HDLBP: variants seen among roughly 807,000 people sequenced by gnomAD.
HDLBP encodes vigilin.
In HDLBP, 30 loss-of-function variants were observed where a neutral mutation model predicts 137.3. The ratio of observed to expected loss-of-function variants is 0.22; its 90% CI spans 0.16 to 0.30. The LOEUF (loss-of-function observed/expected upper bound fraction) is 0.30, where lower values mean the gene tolerates loss of function less well. HDLBP is among the 10% of genes least tolerant of loss of function. The pLI is 1.00. For synonymous variants in HDLBP, 606 were observed against 596.0 expected, an observed-to-expected ratio of 1.02 and a Z score of -0.24; for missense variants, 1,119 against 1,667.3, an observed-to-expected ratio of 0.67 and a Z score of 5.73.
Position 241,230,183 on chromosome 2 carries a change from G to C in HDLBP, c.3561C>G (p.Ile1187Met). 6.2e-7 allele frequency: 1 copy of C among 1,613,614 alleles called. No individual in the cohort carries two copies. The highest frequency in any genetic ancestry group is 8.5e-7 in the Non-Finnish European group (1 of 1,179,680). The change falls in exon 26 of 28, where the codon ATC (isoleucine) becomes ATG (methionine). Residue 1187 changes from isoleucine (I) to methionine (M), a missense_variant. Physicochemically the swap from Ile to Met is conservative, Grantham distance 10. This residue lies in a region of HDLBP where 618 missense variants were observed against 816.7 expected (regional missense o/e 0.76). Transcript: ENST00000310931. This position sits in a 1 kb window ranked among gnomAD's most constrained non-coding sequence, Gnocchi z 5.0. ...CCTCCTCCAGATTGAGGATGTGGTC[G>C]ATGGCTTCCTCCACATTCTCTGGGA... ...TGLPENVEEA[I>M]DHILNLEEEY... is the part of the protein sequence containing the mutation.
Position 241,235,553 on chromosome 2 carries a change from G to C in HDLBP, c.2946C>G (p.Asp982Glu). The C allele has an allele frequency of 6.2e-7, 1 of 1,614,100 alleles. No individual in the cohort carries two copies. Among genetic ancestry groups the C allele is most frequent in the Non-Finnish European group, 8.5e-7 (1 of 1,179,986 alleles). Reference sequence around the variant, plus strand: ...TCTGCCCAATAACGTAACGGTGAAGGTCAAAGGGCACCTCTACTTCAATGG... The same window carrying C: ...TCTGCCCAATAACGTAACGGTGAAGCTCAAAGGGCACCTCTACTTCAATGG... ...PVTIEVEVPF[D>E]LHRYVIGQKG... is the part of the protein sequence containing the mutation. The change falls in exon 22 of 28, where the codon GAC (aspartate) becomes GAG (glutamate). Residue 982 changes from aspartate (D) to glutamate (E), a missense_variant. Around this residue, in one of 4 missense-constraint regions of HDLBP, gnomAD observed 618 missense variants for 816.7 expected, o/e 0.76. Coordinates refer to ENST00000310931, the MANE Select transcript of HDLBP (RefSeq NM_005336.6).
In HDLBP at chr2:241,240,854, G is replaced by C. The variant is rs1411779360; in HGVS notation, c.2170-732C>G. ...CCCCGAGAAGGGCGCTGCTCCACGGGACTCAGGTCCACACGGGGAGCTCTT... is the reference window on the plus strand; with the variant it reads ...CCCCGAGAAGGGCGCTGCTCCACGGCACTCAGGTCCACACGGGGAGCTCTT... On this transcript the variant is annotated intron_variant, in intron 17 of 27. Transcript: ENST00000310931. The surrounding 1 kb of genome is among the most constrained non-coding windows in gnomAD (Gnocchi z 5.5). Among the ~76,000 whole-genome samples, 1 of 152,260 alleles carries C rather than the reference G, an allele frequency of 6.6e-6. No homozygotes were observed. Among genetic ancestry groups the C allele is most frequent in the Non-Finnish European group, 1.5e-5 (1 of 68,012 alleles).
At position 241,262,825 on chromosome 2, in the gene HDLBP, A is replaced by G; in HGVS notation, c.336T>C (p.Gly112=). Residue 112 remains glycine, a synonymous_variant, in exon 5 of 28, where the codon GGT becomes GGC. Coordinates refer to ENST00000310931, the MANE Select transcript of HDLBP (RefSeq NM_005336.6). The part of the protein sequence containing the change: ...KICLEIMQRT[G]AHLELSLAKD... The stretch of plus-strand genomic sequence containing the variant: ...TGGCCAAAGACAGCTCCAAGTGAGC[A>G]CCAGTTCTCTGCATGATCTCAAGGC... 1.2e-6 allele frequency: 2 copies of G among 1,614,192 alleles called. No individual in the cohort carries two copies. Among genetic ancestry groups the G allele is most frequent in the Non-Finnish European group, 1.7e-6 (2 of 1,180,004 alleles).
chr2:241,229,342 C>T lies in HDLBP; in HGVS notation c.*259G>A. ...ACTGACATGCCGGGTGGACCAGGAG[C>T]TGGAGTCTGTTATCTTAGCACGAAT... is the stretch of plus-strand genomic sequence containing the variant. On this transcript the variant is annotated 3_prime_UTR_variant, in exon 28 of 28. Coordinates refer to ENST00000310931, the MANE Select transcript of HDLBP (RefSeq NM_005336.6). 2.5e-6 allele frequency: 1 copy of T among 398,860 alleles called. No individual in the cohort carries two copies. Among genetic ancestry groups the T allele is most frequent in the Non-Finnish European group, 4.7e-6 (1 of 214,480 alleles). 24.7% of individuals were successfully genotyped at this position (398,860 alleles called of 1,614,324 possible).
In HDLBP at chr2:241,229,571, G is replaced by C. The variant is rs1189510584; in HGVS notation, c.*30C>G. On this transcript the variant is annotated 3_prime_UTR_variant, in exon 28 of 28. Transcript: ENST00000310931. ...TTGTGTGGTTGGGTTTGGGTCAGCA[G>C]GCTGGAGAGGGTTCTGTTCTTTTTG... 6.4e-7 allele frequency: 1 copy of C among 1,555,454 alleles called. No individual in the cohort carries two copies.
chr2:241,272,581 TA>T lies in HDLBP; in HGVS notation c.-102-4041del. 6.1e-6 allele frequency: 6 copies of T among 983,354 alleles called. No individual in the cohort carries two copies. Among genetic ancestry groups the T allele is most frequent in the Non-Finnish European group, 7.2e-6 (6 of 829,212 alleles). The allele number at this position is 983,354 out of a possible 1,614,324, so 60.9% of individuals were successfully genotyped here. ...TCTGGCCCGGAACCGCCACGCGCGG[TA>T]AGCAGGACACCCGCGGGCGGGGGCC... On this transcript the variant is annotated intron_variant, in intron 1 of 27. Transcript: ENST00000310931. The surrounding 1 kb of genome is among the most constrained non-coding windows in gnomAD (Gnocchi z 5.6).
rs988188512 is a variant in HDLBP, at chr2:241,241,712, GA to G, written c.2169+747del. 4.0e-5 allele frequency among the ~76,000 whole-genome samples: 6 copies of G among 150,144 alleles called. No individual in the cohort carries two copies. In the East Asian group the frequency reaches 5.9e-4, roughly 15 times the overall value. The stretch of plus-strand genomic sequence containing the variant: ...TTCCATGTGCTAACAACTGGAAATG[GA>G]AAAAAAGTGCCATTTACAATAGCAC... On this transcript the variant is annotated intron_variant, in intron 17 of 27. Transcript: ENST00000310931.
chr2:241,257,404 T>C (rs920811723), intron 5 of HDLBP, among the ~76,000 whole-genome samples: 1 of 152,208 alleles, frequency 6.6e-6, no homozygotes. Flanking sequence ...AGCTAATTTT[T>C]ATATTTTTAG....
intron 13 of HDLBP, 53 bp from the exon 14 acceptor site, chr2:241,248,169 C>A: frequency 6.4e-7 from 1 of 1,555,850 alleles, no homozygotes; most frequent in South Asian, 1.1e-5. Context: ...GACATATATC[C>A]CAAATATCAA....
chr2:241,315,180 CG>C (rs1559569725), intron 1 of HDLBP: 1 of 152,252 alleles, frequency 6.6e-6, no homozygotes, highest in East Asian at 1.9e-4. Context: ...GGCCCCAGCC[CG>C]GGCACAGGAA....
intron 1 of HDLBP, among the ~76,000 whole-genome samples, chr2:241,276,934 A>G (rs1440754594): frequency 6.6e-6 from 1 of 152,002 alleles, no homozygotes; most frequent in African/African-American, 2.4e-5. Flanking sequence ...TTTATTGAAC[A>G]CATGATTAAA....
At chr2:241,273,972 A>G (rs552125964) in intron 1 of HDLBP, among the ~76,000 whole-genome samples, 8 of 152,122 alleles carry the variant, frequency 5.3e-5, no homozygotes, top group Admixed American at 2.0e-4. Context: ...ATAATGGAGG[A>G]AATAAATGGC....
intron 9 of HDLBP, among the ~76,000 whole-genome samples, chr2:241,253,956 T>A (rs1288011999): frequency 2.6e-5 from 4 of 152,168 alleles, no homozygotes; most frequent in Non-Finnish European, 2.9e-5. Flanking sequence ...GGTAAGGAGT[T>A]AAGGAAGGCA....
At chr2:241,255,210 C>T (rs1229275530) in intron 8 of HDLBP, 52 bp from the exon 9 acceptor site, 6 of 1,556,380 alleles carry the variant, frequency 3.9e-6, no homozygotes, top group Admixed American at 1.7e-5. Context: ...GGTCGTGTCA[C>T]AGTGAAAGCC....
At chr2:241,244,359 A>C (rs549197412) in intron 16 of HDLBP, among the ~76,000 whole-genome samples, 1 of 152,336 alleles carries the variant, frequency 6.6e-6, no homozygotes, top group South Asian at 2.1e-4. Context: ...AAGCTCAATA[A>C]ACACCAAGCT....
intron 1 of HDLBP, among the ~76,000 whole-genome samples, chr2:241,299,363 A>G (rs568928261): frequency 3.3e-5 from 5 of 151,868 alleles, no homozygotes; most frequent in African/African-American, 1.2e-4. Flanking sequence ...CTAAAAATAC[A>G]AAAATTAGCC....
chr2:241,277,760 G>A (rs892413533), intron 1 of HDLBP, among the ~76,000 whole-genome samples: 5 of 152,134 alleles, frequency 3.3e-5, no homozygotes, highest in Non-Finnish European at 7.4e-5. Flanking sequence ...TTGGGAGTTC[G>A]AGACCAGCCT....
intron 12 of HDLBP, 39 bp from the exon 13 acceptor site, chr2:241,248,387 C>T (rs759432267): frequency 5.4e-5 from 81 of 1,509,660 alleles, no homozygotes; most frequent in Non-Finnish European, 7.1e-5. Context: ...TTATCACAAG[C>T]ACGGCGAGCA....
At chr2:241,288,974 A>G (rs1370678830) in intron 1 of HDLBP, among the ~76,000 whole-genome samples, 1 of 152,202 alleles carries the variant, frequency 6.6e-6, no homozygotes, top group Non-Finnish European at 1.5e-5. Flanking sequence ...TCCTTCCTAC[A>G]ATTTACATAG....
Sources: allele counts gnomAD v4.1 joint callset (sites outside exome capture counted in the v4.1 genomes callset), GRCh38; gene constraint gnomAD v4.1.1; regional missense constraint gnomAD v4.1.1; non-coding constraint Gnocchi (gnomAD v3.1); transcripts MANE v1.5; gene names NCBI Gene and HGNC (gene_info 2026-07-23, HGNC 2026-07-21).